CNTNAP2: variants seen among roughly 807,000 people sequenced by gnomAD.
CNTNAP2 encodes the protein contactin-associated protein-like 2.
Under a neutral mutation model 155.2 loss-of-function variants are expected in CNTNAP2, and 98 were observed. The ratio of observed to expected loss-of-function variants is 0.63; its 90% CI spans 0.54 to 0.75. The LOEUF (loss-of-function observed/expected upper bound fraction) is 0.75, where lower values mean the gene tolerates loss of function less well. CNTNAP2 is among the 30% of genes least tolerant of loss of function. The pLI is 0.00. For missense variants in CNTNAP2, 1,727 were observed against 1,688.1 expected (o/e 1.02, Z -0.40); for synonymous variants, 651 against 631.2 (o/e 1.03, Z -0.47).
chr7:146,341,733 A>G (rs903707566), intron 1 of CNTNAP2, among the ~76,000 whole-genome samples: 9 of 152,154 alleles, frequency 5.9e-5, no homozygotes, highest in African/African-American at 2.2e-4. Context: ...AAACAAAAAA[A>G]ACCCCTGAAA....
intron 8 of CNTNAP2, among the ~76,000 whole-genome samples, chr7:147,286,282 A>G (rs1323135565): frequency 6.6e-6 from 1 of 152,070 alleles, no homozygotes; most frequent in Non-Finnish European, 1.5e-5. Context: ...TAACTTAGTC[A>G]ATTTAGATTT....
chr7:147,179,561 T>A (rs1010210425), intron 8 of CNTNAP2, among the ~76,000 whole-genome samples: 1 of 152,084 alleles, frequency 6.6e-6, no homozygotes, highest in Non-Finnish European at 1.5e-5. Context: ...AAACTTAGAG[T>A]GAAACCAGTT....
chr7:146,891,036 A>G (rs1372787074), intron 3 of CNTNAP2, among the ~76,000 whole-genome samples: 1 of 152,202 alleles, frequency 6.6e-6, no homozygotes, highest in Non-Finnish European at 1.5e-5. Context: ...ATACATACAT[A>G]TATATCTCAT....
intron 13 of CNTNAP2, among the ~76,000 whole-genome samples, chr7:147,768,271 C>T (rs887143023): frequency 1.3e-5 from 2 of 152,108 alleles, no homozygotes; most frequent in African/African-American, 4.8e-5. Flanking sequence ...CTTTGCAAAA[C>T]TCAGAGAAGC....
intron 10 of CNTNAP2, among the ~76,000 whole-genome samples, chr7:147,435,022 G>A (rs1000460020): frequency 1.2e-4 from 19 of 152,166 alleles, no homozygotes; most frequent in Non-Finnish European, 2.8e-4. Context: ...TTCTGAATTT[G>A]AGGCAACAGG....
At chr7:147,536,665 C>T (rs1439281890) in intron 11 of CNTNAP2, among the ~76,000 whole-genome samples, 1 of 152,144 alleles carries the variant, frequency 6.6e-6, no homozygotes, top group Non-Finnish European at 1.5e-5. Flanking sequence ...CTGGAGAGGG[C>T]TCAGTACATT....
chr7:146,984,187 A>G (rs1253186327), intron 3 of CNTNAP2, among the ~76,000 whole-genome samples: 1 of 151,712 alleles, frequency 6.6e-6, no homozygotes, highest in Admixed American at 6.6e-5. Context: ...GATCAACATG[A>G]AGAAACCCCA....
chr7:147,725,852 C>T (rs1325458046), intron 13 of CNTNAP2, among the ~76,000 whole-genome samples: 1 of 152,036 alleles, frequency 6.6e-6, no homozygotes, highest in Non-Finnish European at 1.5e-5. Flanking sequence ...CCTCTTTTCT[C>T]CCCTCTGTCA....
chr7:147,617,307 T>C lies in CNTNAP2; in HGVS notation c.1898-21799T>C, dbSNP rs575176699. The stretch of plus-strand genomic sequence containing the variant: ...TGTTTCTATTTTGTAGTCTTAAGCT[T>C]AATGTCCTCTAACTGCCACTGGACC... On this transcript the variant is annotated intron_variant, in intron 12 of 23. Transcript: ENST00000361727. Among the ~76,000 whole-genome samples, 15 of 152,286 alleles carry C rather than the reference T, an allele frequency of 9.8e-5. 1 individual carries two copies. Among genetic ancestry groups the C allele is most frequent in the Middle Eastern group, 6.8e-3 (2 of 294 alleles).
chr7:147,859,022 TA>T (rs1184598245), intron 13 of CNTNAP2, among the ~76,000 whole-genome samples: 10 of 152,172 alleles, frequency 6.6e-5, no homozygotes, highest in Non-Finnish European at 8.8e-5. Flanking sequence ...GTTCTATCCT[TA>T]AGCGAATATA....
At chr7:147,495,349 G>T (rs1201776749) in intron 11 of CNTNAP2, among the ~76,000 whole-genome samples, 2 of 152,094 alleles carry the variant, frequency 1.3e-5, no homozygotes, top group Non-Finnish European at 2.9e-5. Context: ...GCAGAACTTT[G>T]GTGTAAACCT....
At chr7:148,343,161 G>A (rs930264297) in intron 21 of CNTNAP2, among the ~76,000 whole-genome samples, 5 of 152,144 alleles carry the variant, frequency 3.3e-5, no homozygotes, top group African/African-American at 7.2e-5. Context: ...TCCCAATTTC[G>A]TAACCACTAC....
At chr7:147,531,537 G>T (rs112711491) in intron 11 of CNTNAP2, among the ~76,000 whole-genome samples, 1 of 152,090 alleles carries the variant, frequency 6.6e-6, no homozygotes. Context: ...GCTGTACATT[G>T]GCCCCTTTCA....
chr7:146,359,701 A>G (rs889435132), intron 1 of CNTNAP2, among the ~76,000 whole-genome samples: 1 of 152,224 alleles, frequency 6.6e-6, no homozygotes, highest in Non-Finnish European at 1.5e-5. Context: ...TAATCTTATT[A>G]TAATGTAATA....
At chr7:147,953,751 C>T (rs1028720639) in intron 14 of CNTNAP2, among the ~76,000 whole-genome samples, 8 of 152,156 alleles carry the variant, frequency 5.3e-5, no homozygotes, top group Non-Finnish European at 1.0e-4. Flanking sequence ...TCTCTCGTAG[C>T]TTCTGGTGGT....
intron 8 of CNTNAP2, among the ~76,000 whole-genome samples, chr7:147,263,321 G>T (rs1212115798): frequency 6.6e-6 from 1 of 151,492 alleles, no homozygotes; most frequent in Non-Finnish European, 1.5e-5. Context: ...TGATCATGCC[G>T]CTGTCCTCCA....
At chr7:146,859,817 A>G (rs1240135695) in intron 3 of CNTNAP2, among the ~76,000 whole-genome samples, 1 of 152,176 alleles carries the variant, frequency 6.6e-6, no homozygotes, top group Non-Finnish European at 1.5e-5. Flanking sequence ...GTGGTATCTC[A>G]GTGAGTAAAT....
intron 8 of CNTNAP2, among the ~76,000 whole-genome samples, chr7:147,141,154 G>A (rs1801586489): frequency 6.6e-6 from 1 of 152,014 alleles, no homozygotes; most frequent in East Asian, 1.9e-4. Context: ...TCATTCTTCT[G>A]GTGACACGAG....
chr7:146,966,920 A>T (rs1797669242), intron 3 of CNTNAP2, among the ~76,000 whole-genome samples: 1 of 152,222 alleles, frequency 6.6e-6, no homozygotes, highest in South Asian at 2.1e-4. Context: ...CACACAACGC[A>T]TGGTAGCCCC....
Sources: allele counts gnomAD v4.1 joint callset (sites outside exome capture counted in the v4.1 genomes callset), GRCh38; gene constraint gnomAD v4.1.1; transcripts MANE v1.5; gene names NCBI Gene and HGNC (gene_info 2026-07-23, HGNC 2026-07-21).